Variants in NUDC observed in about 807,000 individuals in gnomAD.
NUDC encodes nuclear distribution C, dynein complex regulator.
NUDC carries 14 observed loss-of-function variants against 45.0 expected under a neutral mutation model. That is an observed-to-expected ratio of 0.31 (90% CI 0.21 to 0.49). NUDC has a LOEUF of 0.49. NUDC is among the 20% of genes least tolerant of loss of function. The probability of loss-of-function intolerance (pLI) is 0.99; values close to 1 mark genes in which losing one functional copy is unlikely to be tolerated. For synonymous variants in NUDC, 153 were observed against 156.7 expected, an observed-to-expected ratio of 0.98 and a Z score of 0.17; for missense variants, 323 against 426.2, an observed-to-expected ratio of 0.76 and a Z score of 2.13.
chr1:26,912,209 G>A, intron 3 of NUDC: 1 of 1,081,498 alleles, frequency 9.2e-7, no homozygotes, highest in Non-Finnish European at 1.3e-6. Context: ...GGCCTTTGAG[G>A]TCCCACTACT....
intron 2 of NUDC, among the ~76,000 whole-genome samples, chr1:26,906,149 G>A (rs563866203): frequency 4.6e-5 from 7 of 151,740 alleles, no homozygotes; most frequent in Non-Finnish European, 8.8e-5. Flanking sequence ...GCGTGGTGGC[G>A]CATGCCTGTA....
chr1:26,946,126 C>A lies in NUDC; in HGVS notation c.945-4C>A. 6.2e-7 allele frequency: 1 copy of A among 1,613,854 alleles called. No homozygotes were observed. Among genetic ancestry groups the A allele is most frequent in the South Asian group, 1.1e-5 (1 of 91,054 alleles). On this transcript the variant is annotated splice_polypyrimidine_tract_variant and splice_region_variant and intron_variant, in intron 8 of 8. Transcript: ENST00000321265. ...GCTGTTTCATCTTGCTTCCGTTTCT[C>A]CAGGTTCATGGATCAACATCCGGAG...
intron 2 of NUDC, among the ~76,000 whole-genome samples, chr1:26,903,797 T>G (rs1054739826): frequency 2.0e-5 from 3 of 151,706 alleles, no homozygotes; most frequent in African/African-American, 7.3e-5. Flanking sequence ...GATCACAAGG[T>G]CAGGAGATTG....
At chr1:26,907,573 GGGTGGAGTTAATGC>G (rs1264479251) in intron 2 of NUDC, among the ~76,000 whole-genome samples, 7 of 151,182 alleles carry the variant, frequency 4.6e-5, no homozygotes, top group Admixed American at 4.6e-4. Flanking sequence ...CCCAAGGACA[GGGTGGAGTTAATGC>G]GGGACACAGC....
rs1274636460 is a variant in NUDC, at chr1:26,921,798, G to C, written c.-51G>C. On this transcript the variant is annotated 5_prime_UTR_variant, in exon 1 of 9. Transcript: ENST00000321265. Reference sequence around the variant, plus strand: ...CCGGCGCGACCCGCAGGAGCGTAGAGAGCGCGGGACTAGAGTGCAGAGCTC... The same window carrying C: ...CCGGCGCGACCCGCAGGAGCGTAGACAGCGCGGGACTAGAGTGCAGAGCTC... 65 of 1,529,796 alleles carry C rather than the reference G, an allele frequency of 4.2e-5. No individual in the cohort carries two copies. The highest frequency in any genetic ancestry group is 5.7e-5 in the Non-Finnish European group (64 of 1,129,470). The allele number at this position is 1,529,796 out of a possible 1,614,324, so 94.8% of individuals were successfully genotyped here. A position where few individuals can be genotyped will look rare whatever the true frequency, so the allele number is the denominator to read the frequency against.
At chr1:26,905,550 A>T (rs977422562) in intron 2 of NUDC, among the ~76,000 whole-genome samples, 2 of 151,964 alleles carry the variant, frequency 1.3e-5, no homozygotes, top group Non-Finnish European at 2.9e-5. Flanking sequence ...GTGAGTGATG[A>T]GGAGATATTT....
chr1:26,921,786 C>T lies in NUDC; in HGVS notation c.-63C>T. 5.3e-6 allele frequency: 8 copies of T among 1,514,396 alleles called. No homozygotes were observed. The South Asian group carries it at 9.6e-5, about 18-fold the overall frequency. 93.8% of individuals were successfully genotyped at this position (1,514,396 alleles called of 1,614,324 possible). A position where few individuals can be genotyped will look rare whatever the true frequency, so the allele number is the denominator to read the frequency against. ...GAGTCGTTGGGCCCGGCGCGACCCG[C>T]AGGAGCGTAGAGAGCGCGGGACTAG... On this transcript the variant is annotated 5_prime_UTR_variant, in exon 1 of 9. Coordinates refer to ENST00000321265, the MANE Select transcript of NUDC (RefSeq NM_006600.4).
intron 3 of NUDC, chr1:26,913,867 A>G (rs1237472175): frequency 6.7e-7 from 1 of 1,502,922 alleles, no homozygotes; most frequent in Admixed American, 2.3e-5. Flanking sequence ...GCTGGAGCTC[A>G]GAAGTGCGTA....
intron 3 of NUDC, chr1:26,912,028 C>G (rs748783088): frequency 1.9e-6 from 3 of 1,614,148 alleles, no homozygotes; most frequent in Non-Finnish European, 2.5e-6. Context: ...CACACAGCAC[C>G]CAGTGAGCCT....
Position 26,941,753 on chromosome 1 carries a change from A to G in NUDC, c.364A>G (p.Lys122Glu). 6.2e-7 allele frequency: 1 copy of G among 1,614,116 alleles called. No homozygotes were observed. The highest frequency in any genetic ancestry group is 8.5e-7 in the Non-Finnish European group (1 of 1,180,002). The change falls in exon 4 of 9, where the codon AAA becomes GAA. Residue 122 changes from lysine to glutamate, a missense_variant and splice_region_variant. By Grantham distance (56) the Lys-to-Glu change is moderately conservative (BLOSUM62 1). Around this residue, in one of 3 missense-constraint regions of NUDC, gnomAD observed 245 missense variants for 278.8 expected, o/e 0.88. Coordinates refer to ENST00000321265, the MANE Select transcript of NUDC (RefSeq NM_006600.4). Reference sequence around the variant, plus strand: ...CCAACTGCTGTGCTCTTTGCCCCAGAAAAAGGATGCAGAGAATCATGAGGC... The same window carrying G: ...CCAACTGCTGTGCTCTTTGCCCCAGGAAAAGGATGCAGAGAATCATGAGGC... ...AERLQLEIDQ[K>E]KDAENHEAQL...
chr1:26,922,202 C>G (rs1168235186), intron 1 of NUDC: 1 of 540,884 alleles, frequency 1.8e-6, no homozygotes, highest in African/African-American at 1.9e-5. Context: ...CCCCCACCCC[C>G]GTTTCCACTT....
chr1:26,911,725 C>T, intron 3 of NUDC: 1 of 1,176,074 alleles, frequency 8.5e-7, no homozygotes, highest in Non-Finnish European at 1.3e-6. Flanking sequence ...TCCTAAGGAG[C>T]CAAGTGCTGT....
chr1:26,903,527 A>G (rs921022076), intron 2 of NUDC, among the ~76,000 whole-genome samples: 12 of 152,206 alleles, frequency 7.9e-5, no homozygotes, highest in Non-Finnish European at 1.3e-4. Flanking sequence ...AGAAAGCAAT[A>G]GTTACCTTGT....
At chr1:26,932,937 T>C (rs2082195268) in intron 2 of NUDC, among the ~76,000 whole-genome samples, 1 of 152,150 alleles carries the variant, frequency 6.6e-6, no homozygotes, top group African/African-American at 2.4e-5. Context: ...TAAGGCTGAA[T>C]AATATTCCAT....
At chr1:26,911,838 G>T in intron 3 of NUDC, 1 of 1,614,146 alleles carries the variant, frequency 6.2e-7, no homozygotes, top group Non-Finnish European at 8.5e-7. Context: ...GCCTGGGCTG[G>T]AACAGGTCAC....
In NUDC at chr1:26,940,336, C is replaced by T. The variant is rs374874814; in HGVS notation, c.160-1121C>T. Reference sequence around the variant, plus strand: ...TACTAAAAATACAAAATTAGCCAGGCGTGGTGGCACATGCCTATAATCCCA... The same window carrying T: ...TACTAAAAATACAAAATTAGCCAGGTGTGGTGGCACATGCCTATAATCCCA... On this transcript the variant is annotated intron_variant, in intron 2 of 8. Coordinates refer to ENST00000321265, the MANE Select transcript of NUDC (RefSeq NM_006600.4). Among the ~76,000 whole-genome samples the T allele has an allele frequency of 3.9e-5, 6 of 152,046 alleles. No individual in the cohort carries two copies. In the South Asian group the frequency reaches 6.2e-4, roughly 16 times the overall value.
chr1:26,923,589 C>T (rs1027913770), intron 1 of NUDC, among the ~76,000 whole-genome samples: 5 of 152,098 alleles, frequency 3.3e-5, no homozygotes, highest in Non-Finnish European at 4.4e-5. Context: ...TCTGCCTCAG[C>T]CTCCCAAGTA....
chr1:26,930,270 G>A (rs2082169694), intron 2 of NUDC, among the ~76,000 whole-genome samples: 1 of 152,100 alleles, frequency 6.6e-6, no homozygotes, highest in African/African-American at 2.4e-5. Flanking sequence ...ACTAGGCTCA[G>A]GCGGTCCTCT....
chr1:26,921,357 C>T (rs1264215379), upstream of NUDC, among the ~76,000 whole-genome samples: 1 of 152,176 alleles, frequency 6.6e-6, no homozygotes, highest in Non-Finnish European at 1.5e-5. Context: ...GGAGGCTGTC[C>T]TGTGGTAAGT....
Sources: allele counts gnomAD v4.1 joint callset (sites outside exome capture counted in the v4.1 genomes callset), GRCh38; gene constraint gnomAD v4.1.1; regional missense constraint gnomAD v4.1.1; transcripts MANE v1.5; gene names NCBI Gene and HGNC (gene_info 2026-07-23, HGNC 2026-07-21).